DLG2: variants seen among roughly 807,000 people sequenced by gnomAD.
DLG2 encodes the protein discs large MAGUK scaffold protein 2, also known as disks large homolog 2.
DLG2 carries 45 observed loss-of-function variants against 132.5 expected under a neutral mutation model. The observed-to-expected ratio is 0.34, with a 90% CI of 0.27 to 0.44. The LOEUF (loss-of-function observed/expected upper bound fraction) is 0.44. Ranked by LOEUF, DLG2 falls within the 20% of genes least tolerant of loss-of-function variation. DLG2 has a pLI of 1.00. For synonymous variants in DLG2, 424 were observed against 419.6 expected (o/e 1.01, Z -0.13); for missense variants, 1,045 against 1,196.9 (o/e 0.87, Z 1.87).
chr11:84,751,032 T>C (rs2066043943), intron 6 of DLG2, among the ~76,000 whole-genome samples: 1 of 152,028 alleles, frequency 6.6e-6, no homozygotes, highest in South Asian at 2.1e-4. Flanking sequence ...AGAGACAGCA[T>C]TAGAAAAAAA....
intron 6 of DLG2, among the ~76,000 whole-genome samples, chr11:84,629,007 C>A (rs929122023): frequency 1.3e-5 from 2 of 152,172 alleles, no homozygotes; most frequent in Non-Finnish European, 2.9e-5. Context: ...GCCCCCATAG[C>A]TTTCTGCACA....
intron 3 of DLG2, among the ~76,000 whole-genome samples, chr11:85,447,241 A>C (rs1207778264): frequency 2.6e-5 from 4 of 152,194 alleles, no homozygotes; most frequent in African/African-American, 9.6e-5. Flanking sequence ...GACAGACTCC[A>C]AGAATACTAT....
At chr11:83,737,324 C>T (rs1247647656) in intron 18 of DLG2, among the ~76,000 whole-genome samples, 1 of 152,008 alleles carries the variant, frequency 6.6e-6, no homozygotes, top group Non-Finnish European at 1.5e-5. Context: ...CAAACATTCT[C>T]ATAAAGAAAA....
intron 7 of DLG2, among the ~76,000 whole-genome samples, chr11:84,271,457 C>A (rs2097721117): frequency 6.6e-6 from 1 of 152,190 alleles, no homozygotes; most frequent in Non-Finnish European, 1.5e-5. Flanking sequence ...TACCACTACA[C>A]CACCACAATG....
chr11:85,122,897 TACAC>T (rs1396379117), intron 5 of DLG2, among the ~76,000 whole-genome samples: 1 of 143,480 alleles, frequency 7.0e-6, no homozygotes, highest in Non-Finnish European at 1.5e-5. Context: ...TATACACATA[TACAC>T]ACACATATTT....
intron 4 of DLG2, among the ~76,000 whole-genome samples, chr11:85,234,921 C>T (rs1331156695): frequency 3.3e-5 from 5 of 151,946 alleles, no homozygotes. Flanking sequence ...ATTAACCTTT[C>T]CAATGTCCCT....
At chr11:84,682,889 A>G (rs1405005283) in intron 6 of DLG2, among the ~76,000 whole-genome samples, 1 of 152,184 alleles carries the variant, frequency 6.6e-6, no homozygotes, top group African/African-American at 2.4e-5. Flanking sequence ...TCAGAATCCT[A>G]TGAACATGGA....
intron 18 of DLG2, among the ~76,000 whole-genome samples, chr11:83,742,210 A>ACCACAC (rs71463182): frequency 1.4e-5 from 2 of 147,006 alleles, no homozygotes; most frequent in African/African-American, 5.0e-5. Context: ...CCACACTTTT[A>ACCACAC]ACACACACAC....
intron 3 of DLG2, among the ~76,000 whole-genome samples, chr11:85,350,457 G>T (rs1171461854): frequency 6.6e-6 from 1 of 152,104 alleles, no homozygotes; most frequent in Non-Finnish European, 1.5e-5. Context: ...CATTGCTTTT[G>T]GTGTTTTAGT....
At chr11:85,451,415 G>A (rs1393191682) in intron 3 of DLG2, among the ~76,000 whole-genome samples, 1 of 152,088 alleles carries the variant, frequency 6.6e-6, no homozygotes, top group South Asian at 2.1e-4. Flanking sequence ...CACAATATCT[G>A]TAGTGATTTG....
intron 6 of DLG2, among the ~76,000 whole-genome samples, chr11:84,569,799 G>A (rs888601991): frequency 2.6e-5 from 4 of 152,184 alleles, no homozygotes; most frequent in African/African-American, 9.7e-5. Flanking sequence ...AATTATGGGA[G>A]AACAAAAAGA....
intron 11 of DLG2, among the ~76,000 whole-genome samples, chr11:84,041,880 T>C (rs911297703): frequency 6.6e-6 from 1 of 151,874 alleles, no homozygotes; most frequent in Admixed American, 6.6e-5. Context: ...TTTCCTGTGA[T>C]GTTCTTGTGA....
intron 3 of DLG2, among the ~76,000 whole-genome samples, chr11:85,589,591 G>A (rs1214726972): frequency 6.6e-6 from 1 of 152,118 alleles, no homozygotes; most frequent in Non-Finnish European, 1.5e-5. Flanking sequence ...TTCCAAAGGG[G>A]ATTATGGCTG....
intron 6 of DLG2, among the ~76,000 whole-genome samples, chr11:84,580,896 A>G (rs2099514765): frequency 6.6e-6 from 1 of 152,200 alleles, no homozygotes. Flanking sequence ...AATTCCTTTT[A>G]CCATCAGGTA....
At chr11:83,687,455 G>C (rs1277187456) in intron 18 of DLG2, among the ~76,000 whole-genome samples, 1 of 152,128 alleles carries the variant, frequency 6.6e-6, no homozygotes, top group African/African-American at 2.4e-5. Context: ...TGTTGGTCCA[G>C]AGCAGACTGA....
At chr11:84,995,576 T>C (rs1202587892) in intron 6 of DLG2, among the ~76,000 whole-genome samples, 1 of 152,180 alleles carries the variant, frequency 6.6e-6, no homozygotes, top group Non-Finnish European at 1.5e-5. Flanking sequence ...TAGCAACACT[T>C]TGAAATATAT....
intron 4 of DLG2, among the ~76,000 whole-genome samples, chr11:85,262,438 A>G (rs978078491): frequency 1.3e-5 from 2 of 152,198 alleles, no homozygotes; most frequent in African/African-American, 4.8e-5. Flanking sequence ...AGGATTAAAC[A>G]AGTTTATTGG....
chr11:83,929,502 G>C (rs1326232337), intron 15 of DLG2, among the ~76,000 whole-genome samples: 1 of 152,050 alleles, frequency 6.6e-6, no homozygotes, highest in East Asian at 1.9e-4. Context: ...GGTCTTTTTT[G>C]TTATTTATCA....
chr11:84,240,062 T>C (rs770797459), intron 8 of DLG2, among the ~76,000 whole-genome samples: 2 of 152,188 alleles, frequency 1.3e-5, no homozygotes, highest in Admixed American at 6.5e-5. Context: ...GCCTAATCTT[T>C]GAGGTATGAG....
Sources: allele counts gnomAD v4.1 joint callset (sites outside exome capture counted in the v4.1 genomes callset), GRCh38; gene constraint gnomAD v4.1.1; transcripts MANE v1.5; gene names NCBI Gene and HGNC (gene_info 2026-07-23, HGNC 2026-07-21).